Variants in IRAG1 observed in about 807,000 individuals in gnomAD.
IRAG1 encodes IP3R-associated cGMP kinase substrate.
Under a neutral mutation model 106.2 loss-of-function variants are expected in IRAG1, and 62 were observed. The ratio of observed to expected loss-of-function variants is 0.58; its 90% CI spans 0.48 to 0.72. IRAG1 has a LOEUF of 0.72. IRAG1 is among the 30% of genes least tolerant of loss of function. IRAG1 has a pLI of 0.00. For missense variants in IRAG1, 1,064 were observed against 1,140.7 expected, an observed-to-expected ratio of 0.93 and a Z score of 0.97; for synonymous variants, 462 against 443.9, an observed-to-expected ratio of 1.04 and a Z score of -0.51.
chr11:10,617,025 A>G (rs1331100215), intron 10 of IRAG1: 1 of 951,244 alleles, frequency 1.1e-6, no homozygotes, highest in African/African-American at 2.1e-5. Context: ...CTAGTTGGGG[A>G]TAAACTTTTT....
chr11:10,578,238 T>C (rs1035695938), intron 20 of IRAG1, among the ~76,000 whole-genome samples: 5 of 152,234 alleles, frequency 3.3e-5, no homozygotes, highest in Non-Finnish European at 5.9e-5. Flanking sequence ...CTGAGAGTTA[T>C]TGGAAAAGTA....
intron 2 of IRAG1, among the ~76,000 whole-genome samples, chr11:10,645,977 T>C (rs1371408371): frequency 6.6e-6 from 1 of 152,246 alleles, no homozygotes; most frequent in Non-Finnish European, 1.5e-5. Flanking sequence ...CCTATAACTC[T>C]TAGTTTCTAG....
intron 1 of IRAG1, among the ~76,000 whole-genome samples, chr11:10,667,678 G>A (rs961896699): frequency 6.6e-6 from 1 of 152,190 alleles, no homozygotes; most frequent in African/African-American, 2.4e-5. Context: ...CTAAAACATA[G>A]GTGTGGTCGC....
At position 10,693,743 on chromosome 11, in the gene IRAG1, G is replaced by T; in HGVS notation, c.-141C>A. The stretch of plus-strand genomic sequence containing the variant: ...TGGGAGCCCCACTCCGGCCTGGCTC[G>T]GGGGATAATGGCAGGGAAAGCCGAC... On this transcript the variant is annotated 5_prime_UTR_variant, in exon 1 of 21. Transcript: ENST00000423302. 2 of 980,332 alleles carry T rather than the reference G, an allele frequency of 2.0e-6. No individual in the cohort carries two copies. Among genetic ancestry groups the T allele is most frequent in the South Asian group, 1.6e-5 (1 of 62,040 alleles). The allele number at this position is 980,332 out of a possible 1,614,324, so 60.7% of individuals were successfully genotyped here.
At chr11:10,616,183 T>G (rs1288961699) in intron 10 of IRAG1, among the ~76,000 whole-genome samples, 1 of 150,588 alleles carries the variant, frequency 6.6e-6, no homozygotes, top group Non-Finnish European at 1.5e-5. Flanking sequence ...CGAGCGCCTG[T>G]AGTCCCGGCC....
rs1858009521 is a variant in IRAG1 at position 10,647,023 on chromosome 11, T to C, written c.225+5002A>G. ...AGCTTTGGTTGCTGGCCCCACGAGCTTGTGCTCCTGAGGGGCTGGCAGGCA... is the reference window on the plus strand; with the variant it reads ...AGCTTTGGTTGCTGGCCCCACGAGCCTGTGCTCCTGAGGGGCTGGCAGGCA... On this transcript the variant is annotated intron_variant, in intron 2 of 20. Coordinates refer to ENST00000423302, the MANE Select transcript of IRAG1 (RefSeq NM_130385.4). The surrounding 1 kb of genome is among the most constrained non-coding windows in gnomAD (Gnocchi z 4.3). 6.6e-6 allele frequency among the ~76,000 whole-genome samples: 1 copy of C among 152,190 alleles called. No homozygotes were observed. Among genetic ancestry groups the C allele is most frequent in the Non-Finnish European group, 1.5e-5 (1 of 68,034 alleles).
At chr11:10,670,813 T>C (rs77728867) in intron 1 of IRAG1, among the ~76,000 whole-genome samples, 3,984 of 152,260 alleles carry the variant, frequency 0.026, 199 homozygotes, top group African/African-American at 0.091. Context: ...AAAGACCATA[T>C]GAGGACACAG....
intron 1 of IRAG1, among the ~76,000 whole-genome samples, chr11:10,686,624 T>C (rs1039475272): frequency 5.3e-5 from 8 of 152,096 alleles, no homozygotes; most frequent in Admixed American, 2.0e-4. Context: ...TTTGTTCTTA[T>C]AGGGGCAGGA....
At chr11:10,629,424 T>C in intron 5 of IRAG1, 114 bp downstream of exon 5, 2 of 1,085,650 alleles carry the variant, frequency 1.8e-6, no homozygotes, top group Non-Finnish European at 2.6e-6. Flanking sequence ...GGAGAGCAGG[T>C]GAGTCCAAGG....
intron 1 of IRAG1, among the ~76,000 whole-genome samples, chr11:10,680,418 A>AG (rs1184742847): frequency 9.4e-5 from 12 of 127,962 alleles, no homozygotes; most frequent in Non-Finnish European, 1.5e-4. Flanking sequence ...AGAAAGGGAA[A>AG]GAAAGAAAGA....
In IRAG1 at chr11:10,626,245, T is replaced by A; in HGVS notation, c.1089A>T (p.Arg363Ser). 1 of 1,605,426 alleles carries A rather than the reference T, an allele frequency of 6.2e-7. No individual in the cohort carries two copies. Among genetic ancestry groups the A allele is most frequent in the Non-Finnish European group, 8.5e-7 (1 of 1,174,728 alleles). Residue 363 changes from arginine (R) to serine (S), a missense_variant, in exon 9 of 21, where the codon AGA becomes AGT. Coordinates refer to ENST00000423302, the MANE Select transcript of IRAG1 (RefSeq NM_130385.4). Reference sequence around the variant, plus strand: ...GCCCCATCGGCTCTCCAGCTGGGCCTCTCCCCTGGGAGGCTGGGGGACCCA... The same window carrying A: ...GCCCCATCGGCTCTCCAGCTGGGCCACTCCCCTGGGAGGCTGGGGGACCCA... The part of the protein sequence containing the change: ...AGVGPPASQG[R>S]GPAGEPMGPE...
intron 10 of IRAG1, 105 bp downstream of exon 10, chr11:10,623,673 C>T: frequency 9.4e-7 from 1 of 1,066,772 alleles, no homozygotes. Context: ...GCAAATGTTT[C>T]CTGAGGAAGA....
chr11:10,676,097 T>C (rs1860635718), intron 1 of IRAG1, among the ~76,000 whole-genome samples: 1 of 152,268 alleles, frequency 6.6e-6, no homozygotes, highest in African/African-American at 2.4e-5. Context: ...TTTGTGATCA[T>C]GTCCTTTAGT....
rs1252199952 is a variant in IRAG1, at chr11:10,628,631, G to T, written c.652+120C>A. 2.4e-6 allele frequency: 2 copies of T among 817,064 alleles called. No homozygotes were observed. Among genetic ancestry groups the T allele is most frequent in the Non-Finnish European group, 3.7e-6 (2 of 544,362 alleles). The allele number at this position is 817,064 out of a possible 1,614,324, so 50.6% of individuals were successfully genotyped here. ...GAGGGGTCTTGCTCTGGGTGTGAAG[G>T]GGCCATCAGAGTTCTTGAAGGGGAA... On this transcript the variant is annotated intron_variant, in intron 6 of 20. Transcript: ENST00000423302. The surrounding 1 kb of genome is among the most constrained non-coding windows in gnomAD (Gnocchi z 4.1).
At chr11:10,649,824 C>G (rs1419855891) in intron 2 of IRAG1, among the ~76,000 whole-genome samples, 1 of 152,108 alleles carries the variant, frequency 6.6e-6, no homozygotes, top group African/African-American at 2.4e-5. Context: ...TTCCAGTTCC[C>G]CACAAGTTCA....
intron 4 of IRAG1, among the ~76,000 whole-genome samples, chr11:10,630,367 CTTT>C (rs55806146): frequency 7.0e-6 from 1 of 143,190 alleles, no homozygotes. Context: ...CTCATTAGCT[CTTT>C]TTTTTTTTTT....
intron 9 of IRAG1, among the ~76,000 whole-genome samples, chr11:10,625,614 C>G (rs1048472032): frequency 1.3e-5 from 2 of 152,064 alleles, no homozygotes; most frequent in Non-Finnish European, 2.9e-5. Flanking sequence ...TCAAGGGATT[C>G]CTGTTTATGA....
rs77729769 is a variant in IRAG1 at position 10,639,647 on chromosome 11, C to G, written c.226-5576G>C. 6.1e-3 allele frequency among the ~76,000 whole-genome samples: 933 copies of G among 152,280 alleles called. 6 individuals are homozygous for G. Among genetic ancestry groups the G allele is most frequent in the African/African-American group, 0.018 (768 of 41,542 alleles). On this transcript the variant is annotated intron_variant, in intron 2 of 20. Coordinates refer to ENST00000423302, the MANE Select transcript of IRAG1 (RefSeq NM_130385.4). ...TCACGCCCCCTCTCTGATGACTCTT[C>G]CCCTGCTTGCCTCCCTGCCCAGATC...
At chr11:10,623,891 T>G (rs746762393) in intron 9 of IRAG1, 35 bp from the exon 10 acceptor site, 11 of 1,577,386 alleles carry the variant, frequency 7.0e-6, no homozygotes, top group Non-Finnish European at 9.6e-6. Flanking sequence ...CAATTTCAGA[T>G]GATGACACTG....
Sources: gnomAD v4.1 joint callset for allele counts (sites outside exome capture counted in the v4.1 genomes callset) on GRCh38, gnomAD v4.1.1 for gene constraint, Gnocchi (gnomAD v3.1) non-coding constraint, MANE v1.5 for transcripts, NCBI Gene and HGNC (gene_info 2026-07-23, HGNC 2026-07-21) for gene names.